TMEM131L: variants seen among roughly 807,000 people sequenced by gnomAD.
TMEM131L encodes the protein transmembrane 131 like.
In TMEM131L, 54 loss-of-function variants were observed where a neutral mutation model predicts 192.2. The ratio of observed to expected loss-of-function variants is 0.28; its 90% CI spans 0.23 to 0.35. The LOEUF is 0.35. TMEM131L is among the 10% of genes least tolerant of loss of function. TMEM131L has a pLI of 1.00. For missense variants in TMEM131L, 1,888 were observed against 1,972.9 expected (o/e 0.96, Z 0.82); for synonymous variants, 701 against 704.9 (o/e 0.99, Z 0.09).
intron 7 of TMEM131L, among the ~76,000 whole-genome samples, chr4:153,566,156 A>G (rs909926487): frequency 1.3e-5 from 2 of 150,084 alleles, no homozygotes; most frequent in Non-Finnish European, 3.0e-5. Flanking sequence ...TTTTTTTGAG[A>G]CAAGAGTCTC....
intron 3 of TMEM131L, among the ~76,000 whole-genome samples, chr4:153,502,851 T>C (rs1276273574): frequency 7.2e-5 from 11 of 152,228 alleles, no homozygotes; most frequent in African/African-American, 2.4e-4. Context: ...GAGAAATCTA[T>C]GTCTTAGGTT....
chr4:153,493,989 A>G (rs925066215), intron 3 of TMEM131L, among the ~76,000 whole-genome samples: 2 of 152,030 alleles, frequency 1.3e-5, no homozygotes, highest in Non-Finnish European at 2.9e-5. Flanking sequence ...GGGTGACAGA[A>G]TCCTTTTTTT....
chr4:153,583,356 T>C (rs1432097869), intron 10 of TMEM131L, 108 bp downstream of exon 10: 1 of 791,440 alleles, frequency 1.3e-6, no homozygotes, highest in East Asian at 2.4e-5. Flanking sequence ...ATCTTTATTC[T>C]TTTTTGCTTT....
chr4:153,505,782 A>G (rs1175048415), intron 3 of TMEM131L, among the ~76,000 whole-genome samples: 1 of 152,156 alleles, frequency 6.6e-6, no homozygotes, highest in African/African-American at 2.4e-5. Context: ...AAGAGAGCTA[A>G]TTTGGGGCCA....
intron 4 of TMEM131L, among the ~76,000 whole-genome samples, chr4:153,553,079 A>C (rs941838967): frequency 5.9e-5 from 9 of 152,154 alleles, no homozygotes; most frequent in African/African-American, 1.9e-4. Flanking sequence ...GCATGCTGAG[A>C]GAATGCTGAA....
intron 21 of TMEM131L, among the ~76,000 whole-genome samples, chr4:153,600,393 TA>T (rs1561230365): frequency 7.0e-6 from 1 of 143,034 alleles, no homozygotes; most frequent in Non-Finnish European, 1.5e-5. Context: ...ACATCAAAAA[TA>T]AAAATAACTG....
At chr4:153,596,154 G>A (rs550329576) in intron 19 of TMEM131L, 104 bp from the exon 20 acceptor site, 6 of 1,330,160 alleles carry the variant, frequency 4.5e-6, no homozygotes, top group Non-Finnish European at 6.3e-6. Context: ...ATCAAATCTG[G>A]ACATTAAAAG....
chr4:153,508,580 T>C (rs1258240430), intron 3 of TMEM131L, among the ~76,000 whole-genome samples: 3 of 152,216 alleles, frequency 2.0e-5, no homozygotes, highest in Non-Finnish European at 2.9e-5. Context: ...GTATCGTTGA[T>C]AATGTTTTCC....
intron 3 of TMEM131L, among the ~76,000 whole-genome samples, chr4:153,497,784 A>G (rs753239613): frequency 8.1e-5 from 12 of 148,698 alleles, no homozygotes; most frequent in South Asian, 6.3e-4. Context: ...ATCATAGACT[A>G]TACTCTTTTC....
At chr4:153,467,125 G>A (rs147281151) in intron 1 of TMEM131L, 86 bp from the exon 2 acceptor site, 260 of 1,296,396 alleles carry the variant, frequency 2.0e-4, no homozygotes, top group Non-Finnish European at 2.6e-4. Flanking sequence ...TGGTGAGGCG[G>A]GGGGCACGGA....
intron 20 of TMEM131L, among the ~76,000 whole-genome samples, chr4:153,597,285 G>C (rs1252881775): frequency 2.9e-5 from 4 of 136,130 alleles, no homozygotes; most frequent in Admixed American, 2.9e-4. Context: ...TTTTTTTTTT[G>C]ATTTAGTGTT....
At chr4:153,526,333 A>G (rs1735479601) in intron 3 of TMEM131L, among the ~76,000 whole-genome samples, 1 of 152,178 alleles carries the variant, frequency 6.6e-6, no homozygotes, top group Non-Finnish European at 1.5e-5. Flanking sequence ...AGAATCATTT[A>G]TCCCTAACTT....
chr4:153,471,146 C>G (rs1731133431), intron 2 of TMEM131L, among the ~76,000 whole-genome samples: 1 of 152,118 alleles, frequency 6.6e-6, no homozygotes. Flanking sequence ...CGCCACCATG[C>G]CCGGCTAATT....
At chr4:153,543,320 T>C (rs1736934265) in intron 3 of TMEM131L, among the ~76,000 whole-genome samples, 1 of 152,222 alleles carries the variant, frequency 6.6e-6, no homozygotes, top group Admixed American at 6.5e-5. Flanking sequence ...TGTTTTTTCC[T>C]ATCAGTAAAC....
At chr4:153,578,817 G>A (rs1730143001) in intron 7 of TMEM131L, among the ~76,000 whole-genome samples, 1 of 151,140 alleles carries the variant, frequency 6.6e-6, no homozygotes, top group Admixed American at 6.6e-5. Context: ...ACAATGCCTG[G>A]CCATTTTTTT....
chr4:153,501,310 T>C (rs1580082112), intron 3 of TMEM131L, among the ~76,000 whole-genome samples: 1 of 151,634 alleles, frequency 6.6e-6, no homozygotes, highest in East Asian at 2.0e-4. Context: ...TTCAAGCAAT[T>C]CTGCCTCAGC....
intron 11 of TMEM131L, among the ~76,000 whole-genome samples, 194 bp from the exon 12 acceptor site, chr4:153,584,641 G>T (rs1009793731): frequency 6.6e-6 from 1 of 152,148 alleles, no homozygotes; most frequent in Non-Finnish European, 1.5e-5. Flanking sequence ...TTAAAAGTAT[G>T]GACTTCTGGA....
At chr4:153,502,707 C>T (rs1436897314) in intron 3 of TMEM131L, among the ~76,000 whole-genome samples, 5 of 152,168 alleles carry the variant, frequency 3.3e-5, no homozygotes, top group Non-Finnish European at 5.9e-5. Context: ...ATTAGTCATA[C>T]ATTATTTGGG....
chr4:153,546,511 A>G (rs906446301), intron 3 of TMEM131L, among the ~76,000 whole-genome samples: 1 of 152,200 alleles, frequency 6.6e-6, no homozygotes, highest in Non-Finnish European at 1.5e-5. Flanking sequence ...ATTTCTTTGA[A>G]GCGAACTTTG....
Sources: gnomAD v4.1 joint callset for allele counts (sites outside exome capture counted in the v4.1 genomes callset) on GRCh38, gnomAD v4.1.1 for gene constraint, MANE v1.5 for transcripts, NCBI Gene and HGNC (gene_info 2026-07-23, HGNC 2026-07-21) for gene names.